Variants in CTNNA3 observed in about 807,000 individuals in gnomAD.
CTNNA3 encodes catenin alpha-3.
A neutral mutation model predicts 95.7 loss-of-function variants in CTNNA3; 76 were observed. The ratio of observed to expected loss-of-function variants is 0.79; its 90% CI spans 0.66 to 0.96. The LOEUF (loss-of-function observed/expected upper bound fraction) is 0.96, where lower values mean the gene tolerates loss of function less well. Ranked by LOEUF, CTNNA3 falls within the 40% of genes least tolerant of loss-of-function variation. The probability of loss-of-function intolerance (pLI) is 0.00; values close to 1 mark genes in which losing one functional copy is unlikely to be tolerated. For missense variants in CTNNA3, 1,191 were observed against 1,089.8 expected, an observed-to-expected ratio of 1.09 and a Z score of -1.31; for synonymous variants, 431 against 374.4, an observed-to-expected ratio of 1.15 and a Z score of -1.74.
At chr10:66,309,959 TA>T (rs1205449652) in intron 12 of CTNNA3, among the ~76,000 whole-genome samples, 14 of 140,216 alleles carry the variant, frequency 1.0e-4, no homozygotes, top group Admixed American at 7.9e-4. Context: ...ATAAATAAAA[TA>T]AAAATAAAAA....
chr10:66,087,152 C>T (rs1235473171), intron 14 of CTNNA3, among the ~76,000 whole-genome samples: 1 of 151,950 alleles, frequency 6.6e-6, no homozygotes, highest in Admixed American at 6.6e-5. Flanking sequence ...ATGTAAATAG[C>T]ACACCTGGTC....
chr10:67,750,677 T>C, intron 1 of CTNNA3: 2 of 1,548,860 alleles, frequency 1.3e-6, no homozygotes, highest in East Asian at 2.2e-5. Flanking sequence ...GGTAATATGA[T>C]CGGTGGAAAA....
At chr10:67,583,202 G>C (rs926974705) in intron 3 of CTNNA3, among the ~76,000 whole-genome samples, 7 of 152,162 alleles carry the variant, frequency 4.6e-5, no homozygotes, top group Admixed American at 1.3e-4. Context: ...GGTACCGGTT[G>C]TTCCTTTCCA....
chr10:65,948,531 C>T (rs183506829), intron 17 of CTNNA3, among the ~76,000 whole-genome samples: 3 of 150,478 alleles, frequency 2.0e-5, no homozygotes, highest in African/African-American at 7.3e-5. Flanking sequence ...CACTTATTCC[C>T]CTATGGTTGT....
Position 65,966,727 on chromosome 10 carries a change from T to A in CTNNA3, c.2285A>T (p.Lys762Ile). ...TTCCAGGTAGGCCAACAAGTCCTGT[T>A]TACAAGATGGATCTGGGCACTAAAT... ...IANQCPDPSCKQDLLAYLEQI... is the reference protein window; with the variant it reads ...IANQCPDPSCIQDLLAYLEQI... The change falls in exon 17 of 18, where the codon AAA becomes ATA. Residue 762 changes from lysine (K) to isoleucine (I), a missense_variant. Coordinates refer to ENST00000433211, the MANE Select transcript of CTNNA3 (RefSeq NM_013266.4). 1.9e-6 allele frequency: 3 copies of A among 1,612,244 alleles called. No individual in the cohort carries two copies. Among genetic ancestry groups the A allele is most frequent in the Non-Finnish European group, 2.5e-6 (3 of 1,178,648 alleles).
intron 7 of CTNNA3, among the ~76,000 whole-genome samples, chr10:67,055,230 T>G (rs1315596580): frequency 6.6e-6 from 1 of 152,210 alleles, no homozygotes; most frequent in African/African-American, 2.4e-5. Flanking sequence ...GAACATAAGT[T>G]TGTTTTTTAT....
chr10:67,564,238 C>A (rs1226072902), intron 3 of CTNNA3, among the ~76,000 whole-genome samples: 2 of 149,450 alleles, frequency 1.3e-5, no homozygotes, highest in Non-Finnish European at 1.5e-5. Context: ...GACTTGAAAC[C>A]AACCCAAATG....
At chr10:66,945,597 C>T (rs954307041) in intron 7 of CTNNA3, among the ~76,000 whole-genome samples, 2 of 152,264 alleles carry the variant, frequency 1.3e-5, no homozygotes, top group South Asian at 2.1e-4. Context: ...TAGCACTTTT[C>T]ATTTTCTTCA....
intron 9 of CTNNA3, among the ~76,000 whole-genome samples, chr10:66,666,513 C>T (rs775169725): frequency 9.2e-5 from 14 of 152,106 alleles, no homozygotes; most frequent in Admixed American, 9.2e-4. Context: ...CTCTTATATA[C>T]TTGAACATAG....
chr10:67,493,619 A>G (rs1192580450), intron 5 of CTNNA3, among the ~76,000 whole-genome samples: 2 of 151,836 alleles, frequency 1.3e-5, no homozygotes, highest in Non-Finnish European at 2.9e-5. Context: ...TAAGGTATAT[A>G]TTAACATTTC....
chr10:67,409,332 A>G (rs992485494), intron 5 of CTNNA3, among the ~76,000 whole-genome samples: 1 of 152,164 alleles, frequency 6.6e-6, no homozygotes, highest in Non-Finnish European at 1.5e-5. Flanking sequence ...CATGGAATTA[A>G]CCCAAATGCC....
chr10:67,614,112 C>T (rs1039339644), intron 2 of CTNNA3, among the ~76,000 whole-genome samples: 6 of 152,252 alleles, frequency 3.9e-5, no homozygotes, highest in African/African-American at 1.4e-4. Context: ...CCTTATTTGT[C>T]CCCGCCCATG....
At chr10:67,636,173 C>T (rs1393250800) in intron 2 of CTNNA3, among the ~76,000 whole-genome samples, 1 of 152,124 alleles carries the variant, frequency 6.6e-6, no homozygotes, top group East Asian at 1.9e-4. Flanking sequence ...AGAGAGGACA[C>T]AAACAAACGG....
At chr10:67,648,654 CTCAAA>C (rs1292793759) in intron 1 of CTNNA3, 6 of 970,162 alleles carry the variant, frequency 6.2e-6, no homozygotes, top group African/African-American at 5.2e-5. Context: ...TGAGTTTCTT[CTCAAA>C]TCAAAGTTTC....
intron 13 of CTNNA3, among the ~76,000 whole-genome samples, chr10:66,206,585 T>G (rs1218418880): frequency 2.6e-5 from 4 of 151,946 alleles, no homozygotes; most frequent in African/African-American, 9.7e-5. Context: ...ATGAAATTCA[T>G]GAAATGTGAT....
At chr10:67,161,079 A>C (rs1468912434) in intron 7 of CTNNA3, among the ~76,000 whole-genome samples, 1 of 152,148 alleles carries the variant, frequency 6.6e-6, no homozygotes, top group Non-Finnish European at 1.5e-5. Context: ...TAAGATATGC[A>C]AAACAATTTA....
At chr10:67,563,222 C>CTA (rs1416836993) in intron 3 of CTNNA3, among the ~76,000 whole-genome samples, 1 of 152,162 alleles carries the variant, frequency 6.6e-6, no homozygotes, top group Non-Finnish European at 1.5e-5. Flanking sequence ...AGGCATCACA[C>CTA]TACCTGACTT....
intron 7 of CTNNA3, among the ~76,000 whole-genome samples, chr10:66,896,344 G>T (rs1038149831): frequency 6.6e-6 from 1 of 152,074 alleles, no homozygotes; most frequent in Non-Finnish European, 1.5e-5. Context: ...TTCATATTTT[G>T]TTTCTTTCAT....
intron 7 of CTNNA3, among the ~76,000 whole-genome samples, chr10:66,825,285 T>A (rs7915513): frequency 0.054 from 7,897 of 147,024 alleles, 255 homozygotes; most frequent in South Asian, 0.12. Context: ...ATATATATAT[T>A]TTTTTTTTGA....
Sources: gnomAD v4.1 joint callset for allele counts (sites outside exome capture counted in the v4.1 genomes callset) on GRCh38, gnomAD v4.1.1 for gene constraint, MANE v1.5 for transcripts, NCBI Gene and HGNC (gene_info 2026-07-23, HGNC 2026-07-21) for gene names.